Variants in DNAH5 observed in about 807,000 individuals in gnomAD.
The protein encoded by DNAH5 is axonemal beta dynein heavy chain 5.
In DNAH5, 372 loss-of-function variants were observed where a neutral mutation model predicts 518.2. The ratio of observed to expected loss-of-function variants is 0.72; its 90% CI spans 0.66 to 0.78. DNAH5 has a LOEUF of 0.78. DNAH5 is among the 30% of genes least tolerant of loss of function. The pLI is 0.00. For missense variants in DNAH5, 5,523 were observed against 5,687.0 expected (o/e 0.97, Z 0.93); for synonymous variants, 2,039 against 2,025.9 (o/e 1.01, Z -0.17).
intron 35 of DNAH5, among the ~76,000 whole-genome samples, chr5:13,838,123 A>T (rs1052313709): frequency 6.6e-6 from 1 of 152,228 alleles, no homozygotes; most frequent in Non-Finnish European, 1.5e-5. Flanking sequence ...GCCATTTGAC[A>T]ATAATGAGCA....
intron 47 of DNAH5, among the ~76,000 whole-genome samples, chr5:13,802,223 T>C (rs1012921916): frequency 6.6e-6 from 1 of 152,192 alleles, no homozygotes; most frequent in East Asian, 1.9e-4. Context: ...TCCAATCTCA[T>C]TGTCTGTCTA....
intron 77 of DNAH5, 65 bp downstream of exon 77, chr5:13,701,219 T>A (rs1742065611): frequency 6.2e-7 from 1 of 1,603,320 alleles, no homozygotes; most frequent in Non-Finnish European, 8.5e-7. Flanking sequence ...TTTAAAACTA[T>A]AATGATGGAA....
At chr5:13,726,643 C>T (rs1385009127) in intron 70 of DNAH5, among the ~76,000 whole-genome samples, 1 of 152,078 alleles carries the variant, frequency 6.6e-6, no homozygotes, top group Non-Finnish European at 1.5e-5. Context: ...CTCAGTGCCC[C>T]GAACTGTGAA....
intron 34 of DNAH5, 63 bp downstream of exon 34, chr5:13,840,842 TA>T: frequency 7.6e-7 from 1 of 1,313,238 alleles, no homozygotes; most frequent in Non-Finnish European, 1.1e-6. Context: ...TTCTACTGGG[TA>T]AATGCAGATA....
chr5:13,799,350 G>T (rs559339667), intron 47 of DNAH5, among the ~76,000 whole-genome samples: 2 of 152,200 alleles, frequency 1.3e-5, no homozygotes, highest in African/African-American at 4.8e-5. Flanking sequence ...GGCACATGAA[G>T]ATTTTATGTA....
rs1765759100 is a variant in DNAH5, at chr5:13,844,904, G to T, written c.5204C>A (p.Ser1735Tyr). ...CAGCAAATGGGCCTGTATAGTGTGGGAGTCCGACGCCTGCCCCAGAATCTC... is the reference window on the plus strand; with the variant it reads ...CAGCAAATGGGCCTGTATAGTGTGGTAGTCCGACGCCTGCCCCAGAATCTC... Reference protein sequence around the residue: ...LLEILGQASDSHTIQAHLLNV... With the variant: ...LLEILGQASDYHTIQAHLLNV... The change falls in exon 32 of 79, where the codon TCC (serine) becomes TAC (tyrosine). Residue 1735 changes from serine (S) to tyrosine (Y), a missense_variant. Physicochemically the swap from Ser to Tyr is moderately radical, Grantham distance 144. Transcript: ENST00000265104. 1 of 1,614,062 alleles carries T rather than the reference G, an allele frequency of 6.2e-7. No individual in the cohort carries two copies. The highest frequency in any genetic ancestry group is 1.3e-5 in the African/African-American group (1 of 74,932).
intron 60 of DNAH5, among the ~76,000 whole-genome samples, chr5:13,761,523 G>A: frequency 6.7e-6 from 1 of 149,702 alleles, no homozygotes; most frequent in East Asian, 2.0e-4. Context: ...AACCTGGGAC[G>A]CAGAGCTTCC....
Position 13,884,984 on chromosome 5 carries a change from A to G in DNAH5, c.2983+5T>C, listed in dbSNP as rs1353417066. On this transcript the variant is annotated splice_donor_5th_base_variant and intron_variant, in intron 19 of 78. Transcript: ENST00000265104. ...TCCACTAAGCAAACCACACAAGATT[A>G]TTACCCCGGAAGTTAATTGTGTGAG... 3 of 1,614,038 alleles carry G rather than the reference A, an allele frequency of 1.9e-6. No individual in the cohort carries two copies. Among genetic ancestry groups the G allele is most frequent in the Non-Finnish European group, 2.5e-6 (3 of 1,180,036 alleles).
intron 58 of DNAH5, among the ~76,000 whole-genome samples, chr5:13,768,168 G>T (rs998750197): frequency 2.6e-5 from 4 of 151,970 alleles, no homozygotes; most frequent in Non-Finnish European, 4.4e-5. Context: ...ATCGCAAACT[G>T]TAATCTCCAC....
Position 13,902,113 on chromosome 5 carries a change from A to G in DNAH5, c.1670T>C (p.Val557Ala). 6.2e-7 allele frequency: 1 copy of G among 1,608,860 alleles called. No individual in the cohort carries two copies. ...TGTGTTTTGAATCTTTGCAAATGTA[A>G]CATCCATGAACTTCCGCAACTCGTT... ...LHNELRKFMDVTFAKIQNTNQ... is the reference protein window; with the variant it reads ...LHNELRKFMDATFAKIQNTNQ... Residue 557 changes from valine to alanine, a missense_variant, in exon 13 of 79, where the codon GTT becomes GCT. This residue lies in a region of DNAH5 where 5,121 missense variants were observed against 5,223.3 expected (regional missense o/e 0.98). Coordinates refer to ENST00000265104, the MANE Select transcript of DNAH5 (RefSeq NM_001369.3).
intron 70 of DNAH5, among the ~76,000 whole-genome samples, chr5:13,724,485 T>C (rs1169878280): frequency 2.0e-5 from 3 of 152,204 alleles, no homozygotes; most frequent in Admixed American, 6.5e-5. Flanking sequence ...TTGGACTTGA[T>C]GCTGTAACAA....
Position 13,864,442 on chromosome 5 carries a change from T to C in DNAH5, c.4551A>G (p.Arg1517=). The C allele has an allele frequency of 6.2e-7, 1 of 1,614,160 alleles. No homozygotes were observed. The highest frequency in any genetic ancestry group is 8.5e-7 in the Non-Finnish European group (1 of 1,180,018). ...LDVGNESFKL[R]NIMEAPLLKY... is the part of the protein sequence containing the mutation. ...TCAGAAGAGGTGCCTCCATGATATT[T>C]CTTAACTTAAAGCTTTCATTCCCCA... is the stretch of plus-strand genomic sequence containing the variant. Residue 1517 remains arginine, a synonymous_variant, in exon 28 of 79, where the codon AGA becomes AGG. Transcript: ENST00000265104.
At chr5:13,955,207 C>A (rs950872017) in intron 1 of DNAH5, among the ~76,000 whole-genome samples, 7 of 152,136 alleles carry the variant, frequency 4.6e-5, no homozygotes, top group Admixed American at 4.6e-4. Context: ...GCACTTCCCC[C>A]CTCACTCTCT....
intron 3 of DNAH5, among the ~76,000 whole-genome samples, chr5:13,926,093 G>A (rs1419828224): frequency 6.6e-6 from 1 of 152,194 alleles, no homozygotes; most frequent in Non-Finnish European, 1.5e-5. Context: ...TGCACGGGGA[G>A]CTAACAGCAC....
At chr5:13,834,995 T>C (rs1435592146) in intron 35 of DNAH5, among the ~76,000 whole-genome samples, 1 of 152,110 alleles carries the variant, frequency 6.6e-6, no homozygotes, top group Non-Finnish European at 1.5e-5. Context: ...GTCAGAAGGA[T>C]GCAGGTCAGG....
At chr5:13,981,630 G>C (rs1259387349) in intron 1 of DNAH5, among the ~76,000 whole-genome samples, 1 of 152,214 alleles carries the variant, frequency 6.6e-6, no homozygotes, top group Non-Finnish European at 1.5e-5. Flanking sequence ...GGTGCTACCA[G>C]GACAGCCCCT....
At chr5:13,846,642 T>C (rs1444224034) in intron 31 of DNAH5, among the ~76,000 whole-genome samples, 1 of 152,096 alleles carries the variant, frequency 6.6e-6, no homozygotes, top group Non-Finnish European at 1.5e-5. Context: ...GAGAGGGTCA[T>C]GCTAAGTAAG....
chr5:13,921,436 G>GTCTCTCTCTC (rs146530328), intron 5 of DNAH5, among the ~76,000 whole-genome samples: 2,483 of 125,216 alleles, frequency 0.02, 123 homozygotes, highest in African/African-American at 0.072. Flanking sequence ...CTCTCTCTCT[G>GTCTCTCTCTC]TCTCTCTCTC....
Position 13,729,473 on chromosome 5 carries a change from C to T in DNAH5, c.11849G>A (p.Ser3950Asn), listed in dbSNP as rs1746202327. ...DITWLNLVEL[S>N]KLRQFSDVLD... ...GACATCTGAAAACTGTCTGAGTTTG[C>T]TAAGTTCCACCAAATTCAGCCATGT... Residue 3950 changes from serine to asparagine, a missense_variant, in exon 69 of 79, where the codon AGC (serine) becomes AAC (asparagine). Around this residue, in one of 3 missense-constraint regions of DNAH5, gnomAD observed 5,121 missense variants for 5,223.3 expected, o/e 0.98. Coordinates refer to ENST00000265104, the MANE Select transcript of DNAH5 (RefSeq NM_001369.3). 1 of 1,613,914 alleles carries T rather than the reference C, an allele frequency of 6.2e-7. No individual in the cohort carries two copies. The highest frequency in any genetic ancestry group is 1.1e-5 in the South Asian group (1 of 91,084).
Sources: gnomAD v4.1 joint callset for allele counts (sites outside exome capture counted in the v4.1 genomes callset) on GRCh38, gnomAD v4.1.1 for gene constraint, gnomAD v4.1.1 regional missense constraint, MANE v1.5 for transcripts, NCBI Gene and HGNC (gene_info 2026-07-23, HGNC 2026-07-21) for gene names.